Variants in CNTN6 observed in about 807,000 individuals in gnomAD.
CNTN6 encodes the protein contactin-6.
CNTN6 carries 137 observed loss-of-function variants against 122.8 expected under a neutral mutation model. The observed-to-expected ratio is 1.12, with a 90% CI of 0.97 to 1.29. The LOEUF is 1.29. CNTN6 is among the 50% of genes most tolerant of loss of function. CNTN6 has a pLI of 0.00. For missense variants in CNTN6, 1,634 were observed against 1,223.4 expected, an observed-to-expected ratio of 1.34 and a Z score of -5.01; for synonymous variants, 570 against 426.0, an observed-to-expected ratio of 1.34 and a Z score of -4.16.
At chr3:1,289,050 C>G (rs1421220292) in intron 5 of CNTN6, among the ~76,000 whole-genome samples, 2 of 152,134 alleles carry the variant, frequency 1.3e-5, no homozygotes, top group African/African-American at 2.4e-5. Flanking sequence ...CCGTTAATAA[C>G]CGATAAATGT....
intron 4 of CNTN6, among the ~76,000 whole-genome samples, chr3:1,232,620 A>T (rs2094366603): frequency 6.6e-6 from 1 of 152,210 alleles, no homozygotes; most frequent in African/African-American, 2.4e-5. Context: ...GGCACAGAAG[A>T]ATGAACTAGC....
intron 2 of CNTN6, among the ~76,000 whole-genome samples, chr3:1,164,109 G>A (rs1222539405): frequency 6.6e-6 from 1 of 152,172 alleles, no homozygotes; most frequent in Non-Finnish European, 1.5e-5. Context: ...AAAGCTGCAT[G>A]TAAGTTTGTC....
intron 7 of CNTN6, among the ~76,000 whole-genome samples, chr3:1,311,645 A>G (rs904854247): frequency 6.6e-6 from 1 of 151,074 alleles, no homozygotes; most frequent in Non-Finnish European, 1.5e-5. Flanking sequence ...AATATAGGCA[A>G]GAAAAAAGGA....
At position 1,373,974 on chromosome 3, in the gene CNTN6, A is replaced by G; in HGVS notation, c.1996A>G (p.Ser666Gly). The G allele has an allele frequency of 6.2e-7, 1 of 1,613,226 alleles. No homozygotes were observed. ...ATACAATGCAACAGTGGTTGGTTTGAGTCCTTGGGTGGAATATGAATTTCG... is the reference window on the plus strand; with the variant it reads ...ATACAATGCAACAGTGGTTGGTTTGGGTCCTTGGGTGGAATATGAATTTCG... ...KTYNATVVGL[S>G]PWVEYEFRVV... is the part of the protein sequence containing the mutation. Residue 666 changes from serine to glycine, a missense_variant, in exon 16 of 23, where the codon AGT becomes GGT. By Grantham distance (56) the Ser-to-Gly change is moderately conservative (BLOSUM62 0). Coordinates refer to ENST00000446702, the MANE Select transcript of CNTN6 (RefSeq NM_001289080.2).
intron 20 of CNTN6, among the ~76,000 whole-genome samples, chr3:1,392,219 T>C (rs1357129126): frequency 2.0e-5 from 3 of 152,256 alleles, no homozygotes; most frequent in Non-Finnish European, 2.9e-5. Context: ...TCTAGATCAA[T>C]GGAACAGAAC....
At chr3:1,236,541 G>A (rs760571028) in intron 4 of CNTN6, among the ~76,000 whole-genome samples, 4 of 152,134 alleles carry the variant, frequency 2.6e-5, no homozygotes, top group African/African-American at 7.2e-5. Flanking sequence ...GGAGAACACC[G>A]AAACAAGGGA....
chr3:1,368,892 A>T (rs573252631), intron 12 of CNTN6, among the ~76,000 whole-genome samples: 3 of 152,148 alleles, frequency 2.0e-5, no homozygotes, highest in Non-Finnish European at 4.4e-5. Context: ...TTCAAAAAAG[A>T]CACCCCACGC....
In CNTN6 at chr3:1,325,554, G is replaced by A. The variant is rs114679278; in HGVS notation, c.947-261G>A. Among the ~76,000 whole-genome samples the A allele has an allele frequency of 1.6e-3, 242 of 151,836 alleles. 3 individuals are homozygous for A. The highest frequency in any genetic ancestry group is 5.6e-3 in the African/African-American group (231 of 41,460). On this transcript the variant is annotated intron_variant, in intron 8 of 22. Coordinates refer to ENST00000446702, the MANE Select transcript of CNTN6 (RefSeq NM_001289080.2). ...TTCTACATTTTGCCCTTTTCCCACA[G>A]CTCCCAAGTTGTTATACAGGTGGAG...
At chr3:1,204,320 A>G (rs557169912) in intron 2 of CNTN6, among the ~76,000 whole-genome samples, 21 of 152,146 alleles carry the variant, frequency 1.4e-4, no homozygotes, top group Non-Finnish European at 2.5e-4. Flanking sequence ...TGTTTTGTGT[A>G]CTTGACAGTA....
chr3:1,314,641 AT>A (rs1379879300), intron 7 of CNTN6, among the ~76,000 whole-genome samples: 2 of 152,238 alleles, frequency 1.3e-5, no homozygotes, highest in East Asian at 3.9e-4. Context: ...TAAGAAGTGT[AT>A]TCTCTGTCTT....
At chr3:1,283,323 A>G (rs1168814821) in intron 5 of CNTN6, among the ~76,000 whole-genome samples, 1 of 152,084 alleles carries the variant, frequency 6.6e-6, no homozygotes, top group Non-Finnish European at 1.5e-5. Context: ...CTTTGGCTGA[A>G]CTTTGAGCTG....
intron 1 of CNTN6, among the ~76,000 whole-genome samples, chr3:1,110,167 TA>T (rs1330008766): frequency 3.9e-5 from 6 of 152,120 alleles, no homozygotes; most frequent in Non-Finnish European, 7.4e-5. Flanking sequence ...CCAAGTCCTA[TA>T]AAAACAGATA....
At chr3:1,165,012 A>G (rs3772369) in intron 2 of CNTN6, among the ~76,000 whole-genome samples, 86,738 of 152,052 alleles carry the variant, frequency 0.57, 25,975 homozygotes, top group African/African-American at 0.75. Flanking sequence ...AAGGTAATAA[A>G]GACTGTTTCA....
At chr3:1,359,387 C>T (rs767207167) in intron 12 of CNTN6, among the ~76,000 whole-genome samples, 2 of 152,024 alleles carry the variant, frequency 1.3e-5, no homozygotes, top group Admixed American at 6.6e-5. Context: ...CATGTTTTCT[C>T]ATTTAGACAT....
chr3:1,105,569 A>T (rs1033858294), intron 1 of CNTN6, among the ~76,000 whole-genome samples: 1 of 152,196 alleles, frequency 6.6e-6, no homozygotes, highest in Non-Finnish European at 1.5e-5. Flanking sequence ...GCTTTCACAA[A>T]CTCAGAATGG....
At chr3:1,344,786 A>G (rs939802900) in intron 11 of CNTN6, among the ~76,000 whole-genome samples, 12 of 152,116 alleles carry the variant, frequency 7.9e-5, no homozygotes, top group Non-Finnish European at 1.6e-4. Flanking sequence ...CTTTCTATAA[A>G]TTTTCCTGAA....
intron 2 of CNTN6, among the ~76,000 whole-genome samples, chr3:1,174,769 A>T (rs1332982033): frequency 6.6e-6 from 1 of 152,144 alleles, no homozygotes; most frequent in African/African-American, 2.4e-5. Context: ...AATAATGCTA[A>T]ATTGATATGC....
chr3:1,287,730 A>G (rs1300523042), intron 5 of CNTN6, among the ~76,000 whole-genome samples: 1 of 152,164 alleles, frequency 6.6e-6, no homozygotes. Context: ...TGCTAATTAT[A>G]ATGCATTAAG....
At chr3:1,385,220 A>T (rs1339263479) in intron 19 of CNTN6, among the ~76,000 whole-genome samples, 2 of 152,154 alleles carry the variant, frequency 1.3e-5, no homozygotes, top group Non-Finnish European at 2.9e-5. Flanking sequence ...CTGTGATTCA[A>T]ATAACTCTGA....
Sources: gnomAD v4.1 joint callset for allele counts (sites outside exome capture counted in the v4.1 genomes callset) on GRCh38, gnomAD v4.1.1 for gene constraint, MANE v1.5 for transcripts, NCBI Gene and HGNC (gene_info 2026-07-23, HGNC 2026-07-21) for gene names.